PDE9A: variants seen among roughly 807,000 people sequenced by gnomAD.
The protein encoded by PDE9A is high affinity cGMP-specific 3',5'-cyclic phosphodiesterase 9A.
PDE9A carries 60 observed loss-of-function variants against 87.4 expected under a neutral mutation model. That is an observed-to-expected ratio of 0.69 (90% CI 0.56 to 0.85). The LOEUF is 0.85. PDE9A is among the 40% of genes least tolerant of loss of function. The pLI is 0.00. For synonymous variants in PDE9A, 272 were observed against 279.4 expected, an observed-to-expected ratio of 0.97 and a Z score of 0.27; for missense variants, 665 against 779.0, an observed-to-expected ratio of 0.85 and a Z score of 1.74.
intron 8 of PDE9A, among the ~76,000 whole-genome samples, chr21:42,750,129 C>T (rs2054268055): frequency 6.6e-6 from 1 of 151,922 alleles, no homozygotes; most frequent in African/African-American, 2.4e-5. Flanking sequence ...CAGAGTGAGA[C>T]TCTGTCTCAA....
intron 6 of PDE9A, among the ~76,000 whole-genome samples, chr21:42,732,422 A>G (rs549944607): frequency 2.0e-5 from 3 of 152,374 alleles, no homozygotes; most frequent in South Asian, 4.1e-4. Flanking sequence ...AGAACAAGCT[A>G]TAAGAATTGG....
Position 42,760,370 on chromosome 21 carries a change from T to G in PDE9A, c.940T>G (p.Phe314Val). ...DNYRNNPFHNFRHCFCVAQMM... is the reference protein window; with the variant it reads ...DNYRNNPFHNVRHCFCVAQMM... ...CTACAGAAACAACCCCTTCCACAAC[T>G]TCCGGCACTGCTTCTGCGTGGCCCA... Residue 314 changes from phenylalanine (F) to valine (V), a missense_variant, in exon 12 of 20, where the codon TTC becomes GTC. Phe to Val is a conservative substitution (Grantham distance 50). Coordinates refer to ENST00000291539, the MANE Select transcript of PDE9A (RefSeq NM_002606.3). The surrounding 1 kb of genome is among the most constrained non-coding windows in gnomAD (Gnocchi z 5.2). 1 of 1,610,408 alleles carries G rather than the reference T, an allele frequency of 6.2e-7. No individual in the cohort carries two copies. Among genetic ancestry groups the G allele is most frequent in the Non-Finnish European group, 8.5e-7 (1 of 1,179,548 alleles).
intron 4 of PDE9A, among the ~76,000 whole-genome samples, chr21:42,713,412 G>C (rs879209699): frequency 3.3e-5 from 5 of 152,338 alleles, no homozygotes; most frequent in Middle Eastern, 3.4e-3. Context: ...GGGATTACAG[G>C]CGTGAGCCAC....
chr21:42,663,982 G>T (rs955765951), intron 1 of PDE9A, among the ~76,000 whole-genome samples: 1 of 152,222 alleles, frequency 6.6e-6, no homozygotes, highest in East Asian at 1.9e-4. Flanking sequence ...TTCAGCCTCA[G>T]TCCCTGTGGT....
At chr21:42,703,017 T>C (rs897222959) in intron 4 of PDE9A, among the ~76,000 whole-genome samples, 8 of 152,172 alleles carry the variant, frequency 5.3e-5, no homozygotes, top group African/African-American at 4.8e-5. Flanking sequence ...AGCTATTTTT[T>C]TGGGAGGAGG....
chr21:42,743,958 C>G (rs530207236), intron 8 of PDE9A, 98 bp downstream of exon 8: 2 of 751,936 alleles, frequency 2.7e-6, no homozygotes, highest in East Asian at 5.4e-5. Flanking sequence ...AAAAGAAAGG[C>G]TGGTGCAGTT....
chr21:42,656,056 GT>G (rs1231295058), intron 1 of PDE9A, among the ~76,000 whole-genome samples: 1 of 152,234 alleles, frequency 6.6e-6, no homozygotes, highest in Non-Finnish European at 1.5e-5. Context: ...AGCACTTTCA[GT>G]GCCGCTGCCA....
chr21:42,671,605 A>C (rs1289025200), intron 1 of PDE9A, among the ~76,000 whole-genome samples: 1 of 152,220 alleles, frequency 6.6e-6, no homozygotes, highest in African/African-American at 2.4e-5. Flanking sequence ...GGTAAATTGC[A>C]GATGAATTGC....
Position 42,722,269 on chromosome 21 carries a change from C to T in PDE9A, c.263-9501C>T, listed in dbSNP as rs1000308675. On this transcript the variant is annotated intron_variant, in intron 4 of 19. Coordinates refer to ENST00000291539, the MANE Select transcript of PDE9A (RefSeq NM_002606.3). This position sits in a 1 kb window ranked among gnomAD's most constrained non-coding sequence, Gnocchi z 4.1. ...GAGATTACAGGCGTGAGCCACCATG[C>T]CCGTCCAGCAGAGGTATTTTTTCTA... 2.6e-5 allele frequency among the ~76,000 whole-genome samples: 4 copies of T among 152,184 alleles called. No individual in the cohort carries two copies. The highest frequency in any genetic ancestry group is 5.9e-5 in the Non-Finnish European group (4 of 68,020).
At chr21:42,689,927 C>T (rs146615574) in intron 3 of PDE9A, 67,221 of 970,296 alleles carry the variant, frequency 0.069, 3,077 homozygotes, top group Middle Eastern at 0.075. Context: ...GAGACACACG[C>T]GGATGAGGAT....
intron 4 of PDE9A, among the ~76,000 whole-genome samples, chr21:42,701,959 C>A (rs11909017): frequency 1.3e-5 from 2 of 151,908 alleles, no homozygotes; most frequent in Non-Finnish European, 2.9e-5. Context: ...ATTATGATGG[C>A]CTTGGTGTGG....
At chr21:42,729,496 T>C (rs1326258467) in intron 4 of PDE9A, among the ~76,000 whole-genome samples, 2 of 152,206 alleles carry the variant, frequency 1.3e-5, no homozygotes, top group African/African-American at 4.8e-5. Context: ...GGGATTTCTA[T>C]TCCCCTATCT....
intron 4 of PDE9A, among the ~76,000 whole-genome samples, chr21:42,716,355 T>C (rs1191084591): frequency 6.6e-6 from 1 of 151,822 alleles, no homozygotes; most frequent in Admixed American, 6.6e-5. Flanking sequence ...CCAGCAGCAA[T>C]GAACGAGCAT....
chr21:42,775,046 A>G (rs1447140695), intron 19 of PDE9A, among the ~76,000 whole-genome samples: 1 of 151,276 alleles, frequency 6.6e-6, no homozygotes, highest in Admixed American at 6.6e-5. Context: ...GGTTCAAGCA[A>G]TTCTCCTGTC....
At position 42,751,198 on chromosome 21, in the gene PDE9A, GT is replaced by G; in HGVS notation, c.735+2del. 1 of 1,605,558 alleles carries G rather than the reference GT, an allele frequency of 6.2e-7. No individual in the cohort carries two copies. The highest frequency in any genetic ancestry group is 8.5e-7 in the Non-Finnish European group (1 of 1,172,418). The stretch of plus-strand genomic sequence containing the variant: ...ACGCGATGTTCCCACTTACCCCAAG[GT>G]AAGATGAGATTCCGGCCCAGAAGAA... On this transcript the variant is annotated splice_donor_variant, in intron 9 of 19. Transcript: ENST00000291539. LOFTEE classifies it high-confidence loss of function.
chr21:42,670,236 C>CAA (rs1491280016), intron 1 of PDE9A, among the ~76,000 whole-genome samples: 115 of 135,434 alleles, frequency 8.5e-4, no homozygotes, highest in African/African-American at 3.8e-3. Flanking sequence ...CACTTACATT[C>CAA]ACACTCATAC....
chr21:42,760,045 C>T lies in PDE9A; in HGVS notation c.898-283C>T, dbSNP rs2055537403. On this transcript the variant is annotated intron_variant, in intron 11 of 19. Transcript: ENST00000291539. This position sits in a 1 kb window ranked among gnomAD's most constrained non-coding sequence, Gnocchi z 5.2. The stretch of plus-strand genomic sequence containing the variant: ...TTATGCCCCACTGTGGCTCCTCAGA[C>T]ACCTCCGGGGAGACCCCAGTCCTTG... Among the ~76,000 whole-genome samples, 1 of 152,010 alleles carries T rather than the reference C, an allele frequency of 6.6e-6. No homozygotes were observed.
chr21:42,653,810 G>A lies in PDE9A; in HGVS notation c.-5G>A, dbSNP rs772894802. 3 of 1,546,066 alleles carry A rather than the reference G, an allele frequency of 1.9e-6. No homozygotes were observed. The highest frequency in any genetic ancestry group is 2.6e-5 in the East Asian group (1 of 38,266). On this transcript the variant is annotated 5_prime_UTR_variant, in exon 1 of 20. Coordinates refer to ENST00000291539, the MANE Select transcript of PDE9A (RefSeq NM_002606.3). ...AAAAGTCCGAGTGCAGCCGCCGGGC[G>A]CAGGATGGGATCCGGCTCCTCCAGC...
intron 9 of PDE9A, among the ~76,000 whole-genome samples, chr21:42,753,019 A>C (rs1289994489): frequency 7.0e-6 from 1 of 143,106 alleles, no homozygotes; most frequent in Non-Finnish European, 1.5e-5. Context: ...TTTTATTATT[A>C]TTTTTGAGAT....
Sources: gnomAD v4.1 joint callset for allele counts (sites outside exome capture counted in the v4.1 genomes callset) on GRCh38, gnomAD v4.1.1 for gene constraint, Gnocchi (gnomAD v3.1) non-coding constraint, MANE v1.5 for transcripts, NCBI Gene and HGNC (gene_info 2026-07-23, HGNC 2026-07-21) for gene names.